Variants in TMPRSS11F observed in about 807,000 individuals in gnomAD.
TMPRSS11F encodes transmembrane serine protease 11F, also known as transmembrane protease serine 11F.
In TMPRSS11F, 47 loss-of-function variants were observed where a neutral mutation model predicts 60.2. The ratio of observed to expected loss-of-function variants is 0.78; its 90% CI spans 0.62 to 1.00. TMPRSS11F has a LOEUF of 1.00. TMPRSS11F is among the 50% of genes least tolerant of loss of function. The pLI is 0.00. For missense variants in TMPRSS11F, 519 were observed against 522.9 expected (o/e 0.99, Z 0.07); for synonymous variants, 166 against 167.3 (o/e 0.99, Z 0.06).
rs146113187 is a variant in TMPRSS11F, at chr4:68,057,455, G to T, written c.1158+1871C>A. On this transcript the variant is annotated intron_variant, in intron 9 of 9. Transcript: ENST00000356291. ...GACATTGGTTTGGGCAAGGATTTTT[G>T]AATATTACCTCAAAAACTCAGGCAA... 4.7e-4 allele frequency among the ~76,000 whole-genome samples: 71 copies of T among 152,080 alleles called. No individual in the cohort carries two copies. The East Asian group carries it at 0.013, about 28-fold the overall frequency.
intron 1 of TMPRSS11F, among the ~76,000 whole-genome samples, chr4:68,117,741 A>G (rs2109886319): frequency 6.6e-6 from 1 of 152,272 alleles, no homozygotes; most frequent in Admixed American, 6.5e-5. Flanking sequence ...TTATAAAAAT[A>G]GCTATTAATT....
At chr4:68,074,121 G>C (rs1211772461) in intron 3 of TMPRSS11F, 112 bp from the exon 4 acceptor site, 1 of 588,196 alleles carries the variant, frequency 1.7e-6, no homozygotes, top group African/African-American at 2.0e-5. Context: ...GTCTTATCTA[G>C]AGACTTGGGC....
At chr4:68,088,079 A>G (rs1240016777) in intron 3 of TMPRSS11F, among the ~76,000 whole-genome samples, 1 of 151,918 alleles carries the variant, frequency 6.6e-6, no homozygotes, top group African/African-American at 2.4e-5. Flanking sequence ...TTAGTATTCC[A>G]TGGTGTATAT....
Position 68,068,690 on chromosome 4 carries a change from C to T in TMPRSS11F, c.683G>A (p.Gly228Glu). The T allele has an allele frequency of 1.9e-6, 3 of 1,614,154 alleles. No individual in the cohort carries two copies. Among genetic ancestry groups the T allele is most frequent in the Non-Finnish European group, 1.7e-6 (2 of 1,180,032 alleles). The change falls in exon 7 of 10, where the codon GGG (glycine) becomes GAG (glutamate). Residue 228 changes from glycine (G) to glutamate (E), a missense_variant. Transcript: ENST00000356291. ...WPWQASLQLIGSGHQCGASLI... is the reference protein window; with the variant it reads ...WPWQASLQLIESGHQCGASLI... ...GCTGGCTCCACACTGATGGCCTGACCCTATGAGCTGGAGGCTGGCCTGCCA... is the reference window on the plus strand; with the variant it reads ...GCTGGCTCCACACTGATGGCCTGACTCTATGAGCTGGAGGCTGGCCTGCCA...
At chr4:68,085,389 A>T (rs1352174247) in intron 3 of TMPRSS11F, among the ~76,000 whole-genome samples, 1 of 152,046 alleles carries the variant, frequency 6.6e-6, no homozygotes, top group Non-Finnish European at 1.5e-5. Flanking sequence ...CATCCTCTCC[A>T]GCACCTGTTG....
At position 68,072,466 on chromosome 4, in the gene TMPRSS11F, T is replaced by C; in HGVS notation, c.371A>G (p.Asp124Gly). The stretch of plus-strand genomic sequence containing the variant: ...TCGAAATATGAGCACTATAAGAATA[T>C]CCACACCTTGTTCATCTGGACTGAA... ...IKLSPDEQGV[D>G]ILIVLIFRYP... Residue 124 changes from aspartate (D) to glycine (G), a missense_variant, in exon 5 of 10, where the codon GAT (aspartate) becomes GGT (glycine). By Grantham distance (94) the Asp-to-Gly change is moderately conservative. Coordinates refer to ENST00000356291, the MANE Select transcript of TMPRSS11F (RefSeq NM_207407.2). 4 of 1,567,360 alleles carry C rather than the reference T, an allele frequency of 2.6e-6. No homozygotes were observed. The highest frequency in any genetic ancestry group is 2.6e-6 in the Non-Finnish European group (3 of 1,154,278).
Position 68,063,929 on chromosome 4 carries a change from T to G in TMPRSS11F, c.1015+756A>C, listed in dbSNP as rs531761394. On this transcript the variant is annotated intron_variant, in intron 8 of 9. Transcript: ENST00000356291. ...AATAAACAAAGGAAAAAGCTATCAT[T>G]ACATTTGCGATTTAAATTATATGCT... 3.1e-4 allele frequency among the ~76,000 whole-genome samples: 47 copies of G among 152,290 alleles called. No individual in the cohort carries two copies. In the Middle Eastern group the frequency reaches 0.01, roughly 33 times the overall value.
At chr4:68,056,062 G>A (rs1285837018) in intron 9 of TMPRSS11F, among the ~76,000 whole-genome samples, 1 of 152,058 alleles carries the variant, frequency 6.6e-6, no homozygotes, top group Non-Finnish European at 1.5e-5. Flanking sequence ...CCATATATTG[G>A]CTTTTATTAT....
At position 68,090,503 on chromosome 4, in the gene TMPRSS11F, A is replaced by C. The variant is rs1298467812; in HGVS notation, c.282+20T>G. 1.9e-6 allele frequency: 3 copies of C among 1,566,084 alleles called. No individual in the cohort carries two copies. The highest frequency in any genetic ancestry group is 2.8e-5 in the African/African-American group (2 of 72,166). Reference sequence around the variant, plus strand: ...GCAAAAGACACATTAATAAACATTTAAAATTTCTGTTGAGCTTACCATTCT... The same window carrying C: ...GCAAAAGACACATTAATAAACATTTCAAATTTCTGTTGAGCTTACCATTCT... On this transcript the variant is annotated intron_variant, in intron 3 of 9. Transcript: ENST00000356291.
Position 68,072,408 on chromosome 4 carries a change from C to A in TMPRSS11F, c.429G>T (p.Lys143Asn). The change falls in exon 5 of 10, where the codon AAG becomes AAT. Residue 143 changes from lysine (K) to asparagine (N), a missense_variant. Physicochemically the swap from Lys to Asn is moderately conservative, Grantham distance 94. Coordinates refer to ENST00000356291, the MANE Select transcript of TMPRSS11F (RefSeq NM_207407.2). ...GATATAAAGCCTTTTCAATTTTTTT[C>A]TTGATTTGTTCAGCACTATCAGTAG... ...YPSTDSAEQI[K>N]KKIEKALYQS... 6.3e-7 allele frequency: 1 copy of A among 1,598,186 alleles called. No individual in the cohort carries two copies. Among genetic ancestry groups the A allele is most frequent in the Non-Finnish European group, 8.5e-7 (1 of 1,170,806 alleles).
intron 7 of TMPRSS11F, among the ~76,000 whole-genome samples, chr4:68,066,576 A>G (rs1723332729): frequency 6.6e-6 from 1 of 152,206 alleles, no homozygotes; most frequent in African/African-American, 2.4e-5. Context: ...TCATAGACAT[A>G]AAGGTTTTAA....
chr4:68,072,591 T>C, intron 4 of TMPRSS11F, 105 bp from the exon 5 acceptor site: 1 of 752,346 alleles, frequency 1.3e-6, no homozygotes, highest in Non-Finnish European at 1.9e-6. Flanking sequence ...ATGATACATG[T>C]GCATACCAGA....
At chr4:68,088,654 CT>C (rs1417214416) in intron 3 of TMPRSS11F, among the ~76,000 whole-genome samples, 7 of 152,256 alleles carry the variant, frequency 4.6e-5, no homozygotes, top group Admixed American at 2.6e-4. Flanking sequence ...TAAAGCTCTC[CT>C]CAGGAAATGT....
At chr4:68,054,992 T>C (rs149422398) in intron 9 of TMPRSS11F, among the ~76,000 whole-genome samples, 121 of 152,252 alleles carry the variant, frequency 7.9e-4, no homozygotes, top group African/African-American at 2.8e-3. Flanking sequence ...CTGATGAGTA[T>C]AATTGAGCTG....
rs564251110 is a variant in TMPRSS11F, at chr4:68,077,068, G to A, written c.283-3059C>T. On this transcript the variant is annotated intron_variant, in intron 3 of 9. Transcript: ENST00000356291. The stretch of plus-strand genomic sequence containing the variant: ...GGGGGCAACCATGTAGACTACAAAG[G>A]CCAGTTCACAGATGATGATGCCCTG... 7.9e-5 allele frequency among the ~76,000 whole-genome samples: 12 copies of A among 152,258 alleles called. No individual in the cohort carries two copies. In the South Asian group the frequency reaches 1.0e-3, roughly 13 times the overall value.
At chr4:68,102,484 A>T (rs542142706) in intron 1 of TMPRSS11F, among the ~76,000 whole-genome samples, 11 of 152,230 alleles carry the variant, frequency 7.2e-5, no homozygotes, top group African/African-American at 2.6e-4. Context: ...AACATTTGTT[A>T]CCTTTTGACT....
At chr4:68,110,659 C>T (rs1724394332) in intron 1 of TMPRSS11F, among the ~76,000 whole-genome samples, 1 of 152,074 alleles carries the variant, frequency 6.6e-6, no homozygotes, top group Non-Finnish European at 1.5e-5. Context: ...ACAGTATCTA[C>T]TTGATATATT....
chr4:68,113,021 A>C (rs1469311888), intron 1 of TMPRSS11F, among the ~76,000 whole-genome samples: 1 of 152,202 alleles, frequency 6.6e-6, no homozygotes, highest in Admixed American at 6.5e-5. Context: ...TTTATAGAAC[A>C]CTCCACCCAA....
intron 9 of TMPRSS11F, among the ~76,000 whole-genome samples, chr4:68,058,858 A>C (rs1323554692): frequency 6.6e-6 from 1 of 152,190 alleles, no homozygotes; most frequent in East Asian, 1.9e-4. Context: ...GTTTTTGATA[A>C]CAAGGCCCAT....
Sources: allele counts gnomAD v4.1 joint callset (sites outside exome capture counted in the v4.1 genomes callset), GRCh38; gene constraint gnomAD v4.1.1; transcripts MANE v1.5; gene names NCBI Gene and HGNC (gene_info 2026-07-23, HGNC 2026-07-21).